The following PLCL1 variants were observed in gnomAD, a reference collection of about 807,000 sequenced individuals.
PLCL1 encodes inactive phospholipase C-like protein 1.
In PLCL1, 41 loss-of-function variants were observed where a neutral mutation model predicts 84.4. That is an observed-to-expected ratio of 0.49 (90% CI 0.38 to 0.63). The LOEUF is 0.63. PLCL1 is among the 30% of genes least tolerant of loss of function. The pLI is 0.00. For missense variants in PLCL1, 1,206 were observed against 1,367.8 expected, an observed-to-expected ratio of 0.88 and a Z score of 1.87; for synonymous variants, 490 against 488.3, an observed-to-expected ratio of 1.00 and a Z score of -0.05.
At chr2:197,824,360 C>T (rs1331363730) in intron 1 of PLCL1, among the ~76,000 whole-genome samples, 1 of 151,840 alleles carries the variant, frequency 6.6e-6, no homozygotes, top group African/African-American at 2.4e-5. Flanking sequence ...ACTTCATACT[C>T]CTTTTTTTTT....
At position 198,085,921 on chromosome 2, in the gene PLCL1, G is replaced by T; in HGVS notation, c.2404G>T (p.Asp802Tyr). The change falls in exon 2 of 6, where the codon GAC (aspartate) becomes TAC (tyrosine). Residue 802 changes from aspartate to tyrosine, a missense_variant. Coordinates refer to ENST00000428675, the MANE Select transcript of PLCL1 (RefSeq NM_006226.4). This position sits in a 1 kb window ranked among gnomAD's most constrained non-coding sequence, Gnocchi z 5.3. ...AMIRFVVLDD[D>Y]YIGDEFIGQY... ...GATCCGTTTTGTTGTTCTGGATGAT[G>T]ACTACATTGGGGATGAGTTTATAGG... The T allele has an allele frequency of 6.2e-7, 1 of 1,614,068 alleles. No individual in the cohort carries two copies. Among genetic ancestry groups the T allele is most frequent in the South Asian group, 1.1e-5 (1 of 91,022 alleles).
Position 197,923,618 on chromosome 2 carries a change from C to G in PLCL1, c.240+118279C>G, listed in dbSNP as rs1286655405. 1.8e-4 allele frequency among the ~76,000 whole-genome samples: 26 copies of G among 148,456 alleles called. No individual in the cohort carries two copies. The East Asian group carries it at 5.3e-3, about 30-fold the overall frequency. ...ATGTGATGGCGGCTGGGAAGAGGCG[C>G]TCCTCACTTCCTAGATGGGATGGCG... On this transcript the variant is annotated intron_variant, in intron 1 of 5. Transcript: ENST00000428675.
chr2:198,026,083 A>T (rs191296094), intron 1 of PLCL1, among the ~76,000 whole-genome samples: 198 of 152,292 alleles, frequency 1.3e-3, no homozygotes, highest in African/African-American at 4.6e-3. Context: ...TGCATCTGCC[A>T]CCCTGAAAGA....
At chr2:197,950,445 G>A (rs570545066) in intron 1 of PLCL1, among the ~76,000 whole-genome samples, 25 of 152,210 alleles carry the variant, frequency 1.6e-4, no homozygotes, top group African/African-American at 5.5e-4. Context: ...CATAAGCATG[G>A]GTGGGGCATT....
intron 1 of PLCL1, among the ~76,000 whole-genome samples, chr2:197,950,959 C>G (rs561973958): frequency 5.9e-5 from 9 of 152,190 alleles, no homozygotes; most frequent in Admixed American, 2.0e-4. Flanking sequence ...CTGCTTTAGA[C>G]AGGAGAAGCA....
At chr2:197,945,403 C>T (rs1689253019) in intron 1 of PLCL1, among the ~76,000 whole-genome samples, 1 of 152,126 alleles carries the variant, frequency 6.6e-6, no homozygotes, top group Non-Finnish European at 1.5e-5. Flanking sequence ...GGGATGAGGG[C>T]ATGCTTATTC....
chr2:197,824,270 C>G (rs968122310), intron 1 of PLCL1, among the ~76,000 whole-genome samples: 1 of 152,012 alleles, frequency 6.6e-6, no homozygotes, highest in Admixed American at 6.6e-5. Context: ...CTTAACTTGT[C>G]CAAACTGATT....
intron 3 of PLCL1, among the ~76,000 whole-genome samples, chr2:198,097,226 G>A (rs866448247): frequency 1.3e-5 from 2 of 152,200 alleles, no homozygotes; most frequent in Non-Finnish European, 2.9e-5. Context: ...TCCTTCACAT[G>A]TGGGTACAGC....
intron 1 of PLCL1, among the ~76,000 whole-genome samples, chr2:197,822,086 T>C (rs1424704825): frequency 6.6e-6 from 1 of 152,130 alleles, no homozygotes; most frequent in Non-Finnish European, 1.5e-5. Flanking sequence ...ATGTATACCA[T>C]ATGTGAATCA....
At chr2:198,057,866 A>C (rs1454995913) in intron 1 of PLCL1, among the ~76,000 whole-genome samples, 1 of 152,240 alleles carries the variant, frequency 6.6e-6, no homozygotes, top group Non-Finnish European at 1.5e-5. Context: ...TAGTTTCCTA[A>C]AACTGCAGAT....
chr2:198,016,114 T>G (rs1306289215), intron 1 of PLCL1, among the ~76,000 whole-genome samples: 2 of 152,148 alleles, frequency 1.3e-5, no homozygotes, highest in Non-Finnish European at 2.9e-5. Context: ...AATGCCTCAC[T>G]CAGTGGGGAG....
At chr2:197,862,789 T>A (rs1489834506) in intron 1 of PLCL1, among the ~76,000 whole-genome samples, 2 of 152,146 alleles carry the variant, frequency 1.3e-5, no homozygotes, top group Non-Finnish European at 2.9e-5. Context: ...CAACCCCAGA[T>A]GAACTAGAAG....
At chr2:198,124,913 T>G (rs966985524) in intron 5 of PLCL1, among the ~76,000 whole-genome samples, 8 of 152,198 alleles carry the variant, frequency 5.3e-5, no homozygotes, top group Non-Finnish European at 8.8e-5. Flanking sequence ...TGTGCTATTT[T>G]AAGTAATACA....
intron 1 of PLCL1, among the ~76,000 whole-genome samples, chr2:198,041,946 CT>C (rs1036412373): frequency 1.3e-5 from 2 of 152,162 alleles, no homozygotes; most frequent in African/African-American, 4.8e-5. Context: ...TCCCCCCTTC[CT>C]TGATAAGTGA....
intron 1 of PLCL1, among the ~76,000 whole-genome samples, chr2:198,065,970 C>T (rs930980047): frequency 4.6e-5 from 7 of 152,042 alleles, no homozygotes; most frequent in African/African-American, 1.7e-4. Flanking sequence ...TATTAGTAAT[C>T]GTGTCAAATT....
chr2:197,828,187 C>T (rs1690974062), intron 1 of PLCL1, among the ~76,000 whole-genome samples: 1 of 151,954 alleles, frequency 6.6e-6, no homozygotes, highest in Admixed American at 6.6e-5. Context: ...CAGTATTTCA[C>T]TGGTGTTTAT....
In PLCL1 at chr2:198,148,941, C is replaced by G. The variant is rs1446446235; in HGVS notation, c.*1979C>G. 1 of 152,316 alleles carries G rather than the reference C, an allele frequency of 6.6e-6. No homozygotes were observed. Among genetic ancestry groups the G allele is most frequent in the African/African-American group, 2.4e-5 (1 of 41,440 alleles). The allele number at this position is 152,316 out of a possible 1,614,324, so 9.4% of individuals were successfully genotyped here. On this transcript the variant is annotated 3_prime_UTR_variant, in exon 6 of 6. Transcript: ENST00000428675. ...ATTTTATTTGTCCCAGAGCTCTACT[C>G]ACACTTAGGACCCACCCAAAAATTC...
At chr2:198,132,532 C>T (rs1343673975) in intron 5 of PLCL1, among the ~76,000 whole-genome samples, 3 of 151,822 alleles carry the variant, frequency 2.0e-5, no homozygotes, top group Admixed American at 2.0e-4. Context: ...ATATGAATGT[C>T]CTCTCCCACT....
At chr2:197,950,186 C>T (rs1160150481) in intron 1 of PLCL1, among the ~76,000 whole-genome samples, 5 of 152,136 alleles carry the variant, frequency 3.3e-5, no homozygotes, top group African/African-American at 7.2e-5. Flanking sequence ...TCATTAAACC[C>T]GTGCTTCTGA....
Sources: allele counts gnomAD v4.1 joint callset (sites outside exome capture counted in the v4.1 genomes callset), GRCh38; gene constraint gnomAD v4.1.1; non-coding constraint Gnocchi (gnomAD v3.1); transcripts MANE v1.5; gene names NCBI Gene and HGNC (gene_info 2026-07-23, HGNC 2026-07-21).